Variants in PHF7 observed in about 807,000 individuals in gnomAD.
The protein encoded by PHF7 is PHD finger protein 7, also known as E3 ubiquitin-protein ligase PHF7.
Under a neutral mutation model 47.5 loss-of-function variants are expected in PHF7, and 24 were observed. That is an observed-to-expected ratio of 0.51 (90% CI 0.37 to 0.71). PHF7 has a LOEUF of 0.71. Ranked by LOEUF, PHF7 falls within the 30% of genes least tolerant of loss-of-function variation. The pLI, the probability that PHF7 is intolerant of heterozygous loss-of-function variation, is 0.00. For missense variants in PHF7, 361 were observed against 456.8 expected (o/e 0.79, Z 1.91); for synonymous variants, 156 against 153.8 (o/e 1.01, Z -0.11).
chr3:52,419,894 C>G lies in PHF7; in HGVS notation c.248C>G (p.Pro83Arg). The change falls in exon 5 of 11, where the codon CCT (proline) becomes CGT (arginine). Residue 83 changes from proline (P) to arginine (R), a missense_variant. Physicochemically the swap from Pro to Arg is moderately radical, Grantham distance 103. Coordinates refer to ENST00000327906, the MANE Select transcript of PHF7 (RefSeq NM_016483.7). The stretch of plus-strand genomic sequence containing the variant: ...AACAGAGGCTTCCATGGATTTCTGC[C>G]TGAAGACATCAAAAAGGAGGCAGCC... ...QSNRGFHGFL[P>R]EDIKKEAARA... 1 of 1,610,620 alleles carries G rather than the reference C, an allele frequency of 6.2e-7. No individual in the cohort carries two copies. Among genetic ancestry groups the G allele is most frequent in the Middle Eastern group, 1.7e-4 (1 of 5,938 alleles).
At chr3:52,422,147 C>A in intron 8 of PHF7, 75 bp from the exon 9 acceptor site, 2 of 1,022,752 alleles carry the variant, frequency 2.0e-6, no homozygotes, top group Non-Finnish European at 1.6e-6. Flanking sequence ...TTGGGCTCTT[C>A]CTAACTCCTC....
At position 52,422,747 on chromosome 3, in the gene PHF7, G is replaced by A. The variant is rs1705829453; in HGVS notation, c.798-13G>A. ...TGTATGTCTCCACAACCCTTCCTGG[G>A]CTCTTCCTCTAGGAGGTGGTGCCTC... On this transcript the variant is annotated splice_polypyrimidine_tract_variant and intron_variant, in intron 9 of 10. Transcript: ENST00000327906. 6.2e-7 allele frequency: 1 copy of A among 1,613,960 alleles called. No homozygotes were observed. The highest frequency in any genetic ancestry group is 1.6e-4 in the Middle Eastern group (1 of 6,062).
chr3:52,418,617 G>A (rs530971907), intron 4 of PHF7, among the ~76,000 whole-genome samples: 2 of 152,248 alleles, frequency 1.3e-5, no homozygotes, highest in South Asian at 4.1e-4. Flanking sequence ...ACTCTGAGAA[G>A]AGTATTTTCT....
intron 9 of PHF7, chr3:52,422,545 G>A (rs1409135073): frequency 3.1e-6 from 2 of 652,730 alleles, no homozygotes; most frequent in Non-Finnish European, 2.7e-6. Flanking sequence ...CTTGTGCCCA[G>A]TGGAGAGACA....
chr3:52,421,123 G>C, intron 7 of PHF7, 61 bp downstream of exon 7: 2 of 1,450,876 alleles, frequency 1.4e-6, no homozygotes, highest in Admixed American at 2.0e-5. Context: ...CCTGGAACCA[G>C]AGAACCCTGG....
chr3:52,421,867 AGAAG>A, intron 8 of PHF7, 113 bp downstream of exon 8: 1 of 652,934 alleles, frequency 1.5e-6, no homozygotes, highest in Non-Finnish European at 2.8e-6. Context: ...GGCACTGATA[AGAAG>A]GAAGGGGAGG....
chr3:52,420,110 A>G, intron 5 of PHF7, 176 bp downstream of exon 5: 1 of 768,318 alleles, frequency 1.3e-6, no homozygotes. Context: ...AAGTGAGAAG[A>G]GGGAGAAACA....
intron 1 of PHF7, 90 bp from the exon 2 acceptor site, chr3:52,412,721 G>T (rs1705489901): frequency 1.6e-6 from 1 of 637,294 alleles, no homozygotes; most frequent in Admixed American, 2.6e-5. Context: ...CATGGGTTGG[G>T]AGGTGAAGTG....
Position 52,413,267 on chromosome 3 carries a change from GATTA to G in PHF7, c.41+351_41+354del, listed in dbSNP as rs1278482922. Among the ~76,000 whole-genome samples, 6 of 152,158 alleles carry G rather than the reference GATTA, an allele frequency of 3.9e-5. 1 individual carries two copies. The highest frequency in any genetic ancestry group is 3.9e-4 in the Admixed American group (6 of 15,282). Reference sequence around the variant, plus strand: ...TCTGTAGATTCATTGAGCTACTGTAGATTAATTGAGCCAATACATGTAAAGTGCC... The same window carrying G: ...TCTGTAGATTCATTGAGCTACTGTAGATTGAGCCAATACATGTAAAGTGCC... On this transcript the variant is annotated intron_variant, in intron 2 of 10. Transcript: ENST00000327906.
intron 4 of PHF7, among the ~76,000 whole-genome samples, chr3:52,416,599 C>T (rs947718070): frequency 9.9e-5 from 15 of 151,428 alleles, no homozygotes; most frequent in African/African-American, 3.6e-4. Flanking sequence ...CTTTGGGAGG[C>T]CGAGGCGAGC....
chr3:52,420,036 A>G (rs1282494866), intron 5 of PHF7, 102 bp downstream of exon 5: 35 of 794,442 alleles, frequency 4.4e-5, no homozygotes, highest in Non-Finnish European at 6.0e-5. Flanking sequence ...TTTAGATGTC[A>G]AAGGACTCTT....
At chr3:52,420,085 G>A (rs1705741187) in intron 5 of PHF7, 151 bp downstream of exon 5, 2 of 738,796 alleles carry the variant, frequency 2.7e-6, no homozygotes, top group African/African-American at 1.7e-5. Context: ...TATTCCTCTG[G>A]GGTATGGGTG....
chr3:52,416,827 C>T (rs1195026785), intron 4 of PHF7, among the ~76,000 whole-genome samples: 2 of 89,682 alleles, frequency 2.2e-5, no homozygotes, highest in African/African-American at 3.1e-5. Flanking sequence ...TGCAAGACTC[C>T]GTCTCAAAAA....
intron 4 of PHF7, among the ~76,000 whole-genome samples, chr3:52,416,651 G>A (rs561457041): frequency 1.2e-3 from 175 of 151,374 alleles, no homozygotes; most frequent in Middle Eastern, 6.8e-3. Context: ...TGGCTAACAC[G>A]GTGAAACCCT....
intron 1 of PHF7, among the ~76,000 whole-genome samples, chr3:52,412,410 G>A (rs777860567): frequency 6.6e-6 from 1 of 152,238 alleles, no homozygotes; most frequent in Admixed American, 6.5e-5. Flanking sequence ...GCTACTTCAC[G>A]TATTTTTTTG....
intron 7 of PHF7, 77 bp downstream of exon 7, chr3:52,421,139 C>T (rs185245436): frequency 7.5e-7 from 1 of 1,328,496 alleles, no homozygotes; most frequent in Non-Finnish European, 1.0e-6. Context: ...CCTGGGAATG[C>T]TCAGGTGTGC....
In PHF7 at chr3:52,423,551, A is replaced by C; in HGVS notation, c.*234A>C. 1 of 432,472 alleles carries C rather than the reference A, an allele frequency of 2.3e-6. No individual in the cohort carries two copies. The highest frequency in any genetic ancestry group is 4.1e-6 in the Non-Finnish European group (1 of 241,840). 26.8% of individuals were successfully genotyped at this position (432,472 alleles called of 1,614,324 possible). A position where few individuals can be genotyped will look rare whatever the true frequency, so the allele number is the denominator to read the frequency against. ...CTCTGCTTTCTCCTCCTCTCCTCCCACCAAGGATTCTTCCACCTTAATCTT... is the reference window on the plus strand; with the variant it reads ...CTCTGCTTTCTCCTCCTCTCCTCCCCCCAAGGATTCTTCCACCTTAATCTT... On this transcript the variant is annotated 3_prime_UTR_variant, in exon 11 of 11. Coordinates refer to ENST00000327906, the MANE Select transcript of PHF7 (RefSeq NM_016483.7).
At chr3:52,420,190 A>G (rs776426367) in intron 5 of PHF7, 121 bp from the exon 6 acceptor site, 5 of 1,119,522 alleles carry the variant, frequency 4.5e-6, no homozygotes, top group African/African-American at 1.5e-5. Context: ...AGCATTCAGG[A>G]CCACTGAAGA....
rs1390253297 is a variant in PHF7, at chr3:52,422,880, A to G, written c.918A>G (p.Thr306=). 1 of 1,614,154 alleles carries G rather than the reference A, an allele frequency of 6.2e-7. No homozygotes were observed. The highest frequency in any genetic ancestry group is 1.7e-5 in the Admixed American group (1 of 60,032). Residue 306 remains threonine, a splice_region_variant and synonymous_variant, in exon 10 of 11, where the codon ACA becomes ACG. Coordinates refer to ENST00000327906, the MANE Select transcript of PHF7 (RefSeq NM_016483.7). The part of the protein sequence containing the change: ...ECEECSPAAA[T]DYIPENSGDI... ...AGGAGTGTTCACCTGCTGCAGCCACAGGTGAGGCTGGAGGGATGGGCCGGC... is the reference window on the plus strand; with the variant it reads ...AGGAGTGTTCACCTGCTGCAGCCACGGGTGAGGCTGGAGGGATGGGCCGGC...
Sources: allele counts gnomAD v4.1 joint callset (sites outside exome capture counted in the v4.1 genomes callset), GRCh38; gene constraint gnomAD v4.1.1; transcripts MANE v1.5; gene names NCBI Gene and HGNC (gene_info 2026-07-23, HGNC 2026-07-21).